SND1: variants seen among roughly 807,000 people sequenced by gnomAD.
SND1 encodes the protein staphylococcal nuclease and tudor domain containing 1, also known as staphylococcal nuclease domain-containing protein 1.
Under a neutral mutation model 121.7 loss-of-function variants are expected in SND1, and 38 were observed. The ratio of observed to expected loss-of-function variants is 0.31; its 90% CI spans 0.24 to 0.41. SND1 has a LOEUF of 0.41. Ranked by LOEUF, SND1 falls within the 10% of genes least tolerant of loss-of-function variation. The probability of loss-of-function intolerance (pLI) is 1.00; values close to 1 mark genes in which losing one functional copy is unlikely to be tolerated. For missense variants in SND1, 868 were observed against 1,184.6 expected (o/e 0.73, Z 3.92); for synonymous variants, 401 against 447.4 (o/e 0.90, Z 1.31).
intron 1 of SND1, among the ~76,000 whole-genome samples, chr7:127,670,566 A>G (rs559750328): frequency 4.6e-5 from 7 of 152,364 alleles, no homozygotes; most frequent in African/African-American, 1.7e-4. Context: ...GTTCTCAGTT[A>G]CTTTAACTCT....
chr7:127,866,385 A>G (rs1391161032), intron 12 of SND1, among the ~76,000 whole-genome samples: 2 of 152,224 alleles, frequency 1.3e-5, no homozygotes, highest in Non-Finnish European at 2.9e-5. Context: ...TCTAAAAGCT[A>G]GGGGCTGCCC....
At chr7:128,082,165 C>G (rs933753706) in intron 18 of SND1, among the ~76,000 whole-genome samples, 1 of 152,214 alleles carries the variant, frequency 6.6e-6, no homozygotes, top group Non-Finnish European at 1.5e-5. Flanking sequence ...CAGCCGCTAG[C>G]CCGACTACAC....
At chr7:127,888,421 C>T (rs187880821) in intron 13 of SND1, among the ~76,000 whole-genome samples, 1 of 152,244 alleles carries the variant, frequency 6.6e-6, no homozygotes, top group Admixed American at 6.5e-5. Flanking sequence ...TTTACCACCT[C>T]TAGACCTTTT....
intron 16 of SND1, among the ~76,000 whole-genome samples, chr7:128,065,216 A>AAGAG (rs1464594324): frequency 6.6e-6 from 1 of 152,254 alleles, no homozygotes. Context: ...TCTGGAGCCA[A>AAGAG]GTTCATTTCT....
chr7:128,016,850 T>C (rs2116956938), intron 16 of SND1, among the ~76,000 whole-genome samples: 1 of 152,372 alleles, frequency 6.6e-6, no homozygotes, highest in East Asian at 1.9e-4. Flanking sequence ...TATTTTCTTG[T>C]GTCTGACCAA....
chr7:127,847,039 G>A (rs957523739), intron 12 of SND1, among the ~76,000 whole-genome samples: 2 of 151,960 alleles, frequency 1.3e-5, no homozygotes, highest in African/African-American at 2.4e-5. Context: ...AGGCCGAGGC[G>A]GTTGGATCAC....
intron 1 of SND1, among the ~76,000 whole-genome samples, chr7:127,663,704 C>T (rs1211973362): frequency 6.6e-6 from 1 of 152,098 alleles, no homozygotes; most frequent in Non-Finnish European, 1.5e-5. Flanking sequence ...GGTTGCCGGC[C>T]CCGCCAACCC....
At chr7:127,906,419 A>G (rs1468701) in intron 14 of SND1, among the ~76,000 whole-genome samples, 45,788 of 152,156 alleles carry the variant, frequency 0.3, 7,574 homozygotes, top group African/African-American at 0.41. Context: ...ATGTATGTGC[A>G]TGGCATTCTC....
chr7:127,749,090 G>T (rs1587638492), intron 10 of SND1, among the ~76,000 whole-genome samples: 1 of 143,700 alleles, frequency 7.0e-6, no homozygotes, highest in Non-Finnish European at 1.5e-5. Flanking sequence ...TGTCACCCAG[G>T]TAGTGCAATC....
intron 12 of SND1, among the ~76,000 whole-genome samples, chr7:127,887,569 C>T (rs1478767988): frequency 6.6e-6 from 1 of 151,186 alleles, no homozygotes; most frequent in Non-Finnish European, 1.5e-5. Context: ...TTATAGCAGA[C>T]TTTTCTTGAG....
chr7:127,708,019 G>A (rs1489204245), intron 9 of SND1, among the ~76,000 whole-genome samples: 1 of 152,076 alleles, frequency 6.6e-6, no homozygotes, highest in African/African-American at 2.4e-5. Flanking sequence ...CTTTACAGTG[G>A]TGTGAAAGCA....
intron 12 of SND1, among the ~76,000 whole-genome samples, chr7:127,853,994 A>G (rs1245387835): frequency 2.0e-5 from 3 of 152,108 alleles, no homozygotes; most frequent in East Asian, 1.9e-4. Context: ...ACTTCTTAGT[A>G]TTTGTGCTAC....
At chr7:127,911,093 C>T (rs979738481) in intron 14 of SND1, among the ~76,000 whole-genome samples, 2 of 152,204 alleles carry the variant, frequency 1.3e-5, no homozygotes, top group Admixed American at 6.5e-5. Flanking sequence ...TTCCTTGCCT[C>T]CCTGTTGTGT....
intron 16 of SND1, among the ~76,000 whole-genome samples, chr7:128,053,962 A>G (rs1198861068): frequency 1.3e-5 from 2 of 152,238 alleles, no homozygotes; most frequent in African/African-American, 4.8e-5. Flanking sequence ...AAAAGAAAAT[A>G]AAACAAGGTA....
rs910151000 is a variant in SND1 at position 127,764,195 on chromosome 7, G to A, written c.1152+42795G>A. ...ATGTAATTCTAAACTGAATATTAGCGATTTCATAAGAGCAAACTGAAGGTT... is the reference window on the plus strand; with the variant it reads ...ATGTAATTCTAAACTGAATATTAGCAATTTCATAAGAGCAAACTGAAGGTT... On this transcript the variant is annotated intron_variant, in intron 10 of 23. Transcript: ENST00000354725. Among the ~76,000 whole-genome samples the A allele has an allele frequency of 9.9e-5, 15 of 152,126 alleles. 1 individual carries two copies. Among genetic ancestry groups the A allele is most frequent in the South Asian group, 4.1e-4 (2 of 4,826 alleles).
chr7:127,667,578 C>T (rs181834788), intron 1 of SND1, among the ~76,000 whole-genome samples: 9 of 152,282 alleles, frequency 5.9e-5, no homozygotes, highest in Non-Finnish European at 1.3e-4. Flanking sequence ...CTGTGCTTCT[C>T]TCCTTTCTCT....
chr7:127,911,500 A>G (rs1007585652), intron 14 of SND1, among the ~76,000 whole-genome samples: 3 of 151,910 alleles, frequency 2.0e-5, no homozygotes, highest in African/African-American at 7.3e-5. Flanking sequence ...GTGAGCTACC[A>G]TGGCTGGCCT....
At chr7:128,091,772 G>A in intron 22 of SND1, 65 bp from the exon 23 acceptor site, 1 of 1,554,000 alleles carries the variant, frequency 6.4e-7, no homozygotes, top group Non-Finnish European at 8.9e-7. Context: ...GCATTCTGCA[G>A]GGTCCTGCTG....
intron 11 of SND1, among the ~76,000 whole-genome samples, chr7:127,808,273 C>T (rs1483927977): frequency 6.6e-6 from 1 of 151,414 alleles, no homozygotes; most frequent in Non-Finnish European, 1.5e-5. Context: ...AGCATTTCTA[C>T]CACCTCAGCC....
Sources: gnomAD v4.1 joint callset for allele counts (sites outside exome capture counted in the v4.1 genomes callset) on GRCh38, gnomAD v4.1.1 for gene constraint, MANE v1.5 for transcripts, NCBI Gene and HGNC (gene_info 2026-07-23, HGNC 2026-07-21) for gene names.